ATP2A2: variants seen among roughly 807,000 people sequenced by gnomAD.
ATP2A2 encodes the protein ATPase sarcoplasmic/endoplasmic reticulum Ca2+ transporting 2.
ATP2A2 carries 14 observed loss-of-function variants against 109.3 expected under a neutral mutation model. That is an observed-to-expected ratio of 0.13 (90% CI 0.08 to 0.20). The LOEUF (loss-of-function observed/expected upper bound fraction) is 0.20. Among genes scored for constraint, ATP2A2 ranks in the 10% least tolerant of loss-of-function variants. The pLI is 1.00. For synonymous variants in ATP2A2, 506 were observed against 490.9 expected, an observed-to-expected ratio of 1.03 and a Z score of -0.41; for missense variants, 657 against 1,321.6, an observed-to-expected ratio of 0.50 and a Z score of 7.80.
Position 110,349,661 on chromosome 12 carries a change from C to G in ATP2A2, c.*3191C>G, listed in dbSNP as rs1592874681. ...AAGACCTGAGACCACAAGATTAGCTCAGTGTCTACCAAGCATCTAGCCACT... is the reference window on the plus strand; with the variant it reads ...AAGACCTGAGACCACAAGATTAGCTGAGTGTCTACCAAGCATCTAGCCACT... On this transcript the variant is annotated 3_prime_UTR_variant, in exon 20 of 20. Transcript: ENST00000539276. 1 of 989,030 alleles carries G rather than the reference C, an allele frequency of 1.0e-6. No homozygotes were observed. The highest frequency in any genetic ancestry group is 1.1e-4 in the East Asian group (1 of 9,004). The allele number at this position is 989,030 out of a possible 1,614,324, so 61.3% of individuals were successfully genotyped here. A position where few individuals can be genotyped will look rare whatever the true frequency, so the allele number is the denominator to read the frequency against.
chr12:110,320,850 C>T (rs1383607276), intron 5 of ATP2A2, among the ~76,000 whole-genome samples: 1 of 152,192 alleles, frequency 6.6e-6, no homozygotes, highest in Non-Finnish European at 1.5e-5. Context: ...TGTTTTTATG[C>T]ACTCAAATTA....
At position 110,349,743 on chromosome 12, in the gene ATP2A2, CCT is replaced by C; in HGVS notation, c.*3274_*3275del. On this transcript the variant is annotated 3_prime_UTR_variant, in exon 20 of 20. Coordinates refer to ENST00000539276, the MANE Select transcript of ATP2A2 (RefSeq NM_170665.4). ...GCCTGTGAGCAGAGCCAGCAGTTGCCCTGTGACTGTAACCACCAAATTGTCCA... is the reference window on the plus strand; with the variant it reads ...GCCTGTGAGCAGAGCCAGCAGTTGCCGTGACTGTAACCACCAAATTGTCCA... 1 of 1,014,926 alleles carries C rather than the reference CCT, an allele frequency of 9.9e-7. No homozygotes were observed. Among genetic ancestry groups the C allele is most frequent in the Non-Finnish European group, 1.2e-6 (1 of 846,538 alleles). 62.9% of individuals were successfully genotyped at this position (1,014,926 alleles called of 1,614,324 possible). A position where few individuals can be genotyped will look rare whatever the true frequency, so the allele number is the denominator to read the frequency against.
chr12:110,340,645 T>C lies in ATP2A2; in HGVS notation c.1762-14T>C. 1 of 1,613,968 alleles carries C rather than the reference T, an allele frequency of 6.2e-7. No individual in the cohort carries two copies. Among genetic ancestry groups the C allele is most frequent in the Non-Finnish European group, 8.5e-7 (1 of 1,179,862 alleles). On this transcript the variant is annotated splice_polypyrimidine_tract_variant and intron_variant, in intron 13 of 19. Coordinates refer to ENST00000539276, the MANE Select transcript of ATP2A2 (RefSeq NM_170665.4). The surrounding 1 kb of genome is among the most constrained non-coding windows in gnomAD (Gnocchi z 6.0). ...AACTTGCCACTTTTATTTAAAGTGA[T>C]GCTCTTATTTTAGACCAATCTGACC...
chr12:110,315,821 G>A (rs948841058), intron 5 of ATP2A2, among the ~76,000 whole-genome samples: 3 of 152,204 alleles, frequency 2.0e-5, no homozygotes, highest in Admixed American at 6.5e-5. Flanking sequence ...CACGCCTGTA[G>A]TCCCAGGTAT....
At chr12:110,300,116 T>TCCCCCCCCCCCCCCCCCCCCCCC (rs1874420070) in intron 5 of ATP2A2, among the ~76,000 whole-genome samples, 1 of 103,328 alleles carries the variant, frequency 9.7e-6, no homozygotes. Context: ...CCTCCCCCTT[T>TCCCCCCCCCCCCCCCCCCCCCCC]CCCTCCCCTC....
chr12:110,312,721 A>C (rs1401687660), intron 5 of ATP2A2, among the ~76,000 whole-genome samples: 1 of 151,846 alleles, frequency 6.6e-6, no homozygotes, highest in Admixed American at 6.6e-5. Context: ...GTGGTGGTGG[A>C]TGCCTGTAAT....
chr12:110,344,298 T>C (rs997131272), intron 16 of ATP2A2, among the ~76,000 whole-genome samples: 34 of 152,208 alleles, frequency 2.2e-4, no homozygotes, highest in African/African-American at 8.2e-4. Flanking sequence ...GTGTATTCTC[T>C]GCTGCACCTT....
At chr12:110,345,854 T>C (rs1879796192) in intron 18 of ATP2A2, 147 bp from the exon 19 acceptor site, 3 of 801,040 alleles carry the variant, frequency 3.7e-6, no homozygotes, top group Non-Finnish European at 6.5e-6. Context: ...CTCTTCAACT[T>C]TGCCACTGTA....
Position 110,340,916 on chromosome 12 carries a change from C to T in ATP2A2, c.2019C>T (p.Arg673=), listed in dbSNP as rs1592861428. ...AGCGAGACGCCTGCCTGAACGCCCG[C>T]TGTTTTGCTCGAGTTGAACCCTCCC... ...SAQRDACLNA[R]CFARVEPSHK... The change falls in exon 14 of 20, where the codon CGC becomes CGT. Residue 673 remains arginine (R), a synonymous_variant. Transcript: ENST00000539276. The surrounding 1 kb of genome is among the most constrained non-coding windows in gnomAD (Gnocchi z 6.0). 1 of 1,614,262 alleles carries T rather than the reference C, an allele frequency of 6.2e-7. No homozygotes were observed. The highest frequency in any genetic ancestry group is 8.5e-7 in the Non-Finnish European group (1 of 1,180,056).
At chr12:110,314,990 C>T (rs1266767277) in intron 5 of ATP2A2, among the ~76,000 whole-genome samples, 1 of 151,956 alleles carries the variant, frequency 6.6e-6, no homozygotes, top group African/African-American at 2.4e-5. Context: ...CCTCAGCCTC[C>T]CAAGTAGCTG....
chr12:110,333,401 T>TC lies in ATP2A2; in HGVS notation c.1287+123dup, dbSNP rs1878535937. ...AAAGTCAAGGGTGCCTGATTTTGTTTCCCCCTTCCATTCAGAACCTGATGG... is the reference window on the plus strand; with the variant it reads ...AAAGTCAAGGGTGCCTGATTTTGTTTCCCCCCTTCCATTCAGAACCTGATGG... On this transcript the variant is annotated intron_variant, in intron 10 of 19. Transcript: ENST00000539276. 6 of 970,640 alleles carry TC rather than the reference T, an allele frequency of 6.2e-6. No homozygotes were observed. In the South Asian group the frequency reaches 7.9e-5, roughly 13 times the overall value. 60.1% of individuals were successfully genotyped at this position (970,640 alleles called of 1,614,324 possible).
intron 5 of ATP2A2, among the ~76,000 whole-genome samples, chr12:110,301,041 T>A (rs74434348): frequency 0.01 from 1,533 of 152,102 alleles, 6 homozygotes; most frequent in African/African-American, 0.013. Flanking sequence ...TTAATTTTTT[T>A]AAAAAAATAG....
At chr12:110,282,908 G>A in intron 3 of ATP2A2, 113 bp downstream of exon 3, 1 of 914,822 alleles carries the variant, frequency 1.1e-6, no homozygotes, top group South Asian at 1.4e-5. Flanking sequence ...GTTGCAAGCT[G>A]TGTCTCTATG....
rs1191205032 is a variant in ATP2A2, at chr12:110,347,520, A to T, written c.*1050A>T. 1 of 1,288,588 alleles carries T rather than the reference A, an allele frequency of 7.8e-7. No individual in the cohort carries two copies. The highest frequency in any genetic ancestry group is 1.5e-5 in the African/African-American group (1 of 65,836). The allele number at this position is 1,288,588 out of a possible 1,614,324, so 79.8% of individuals were successfully genotyped here. On this transcript the variant is annotated 3_prime_UTR_variant, in exon 20 of 20. Transcript: ENST00000539276. ...AATTGTCATCTGTGATGTACATTTT[A>T]TGCAAGTTTCTGCTGGCCTGGTATA... is the stretch of plus-strand genomic sequence containing the variant.
intron 6 of ATP2A2, among the ~76,000 whole-genome samples, chr12:110,325,542 GA>G (rs1566227967): frequency 6.6e-6 from 1 of 151,614 alleles, no homozygotes. Flanking sequence ...GCTGAGGCTG[GA>G]AAATTGCCCG....
At chr12:110,291,469 G>A (rs964863353) in intron 3 of ATP2A2, among the ~76,000 whole-genome samples, 1 of 152,016 alleles carries the variant, frequency 6.6e-6, no homozygotes, top group African/African-American at 2.4e-5. Context: ...GCCTCCCAAA[G>A]TGTTGGGATT....
chr12:110,289,469 T>C (rs1002161847), intron 3 of ATP2A2, among the ~76,000 whole-genome samples: 1 of 152,206 alleles, frequency 6.6e-6, no homozygotes, highest in African/African-American at 2.4e-5. Flanking sequence ...ACATTTATTA[T>C]ACTCATTCTG....
chr12:110,324,950 G>A (rs1241378640), intron 6 of ATP2A2, among the ~76,000 whole-genome samples: 1 of 151,168 alleles, frequency 6.6e-6, no homozygotes, highest in African/African-American at 2.4e-5. Flanking sequence ...CCTAGTAGCT[G>A]AAATTACAGG....
rs1208962379 is a variant in ATP2A2, at chr12:110,281,457, A to G, written c.-333A>G. 6.2e-6 allele frequency: 1 copy of G among 160,410 alleles called. No individual in the cohort carries two copies. Among genetic ancestry groups the G allele is most frequent in the Non-Finnish European group, 1.3e-5 (1 of 74,204 alleles). The allele number at this position is 160,410 out of a possible 1,614,324, so 9.9% of individuals were successfully genotyped here. A position where few individuals can be genotyped will look rare whatever the true frequency, so the allele number is the denominator to read the frequency against. On this transcript the variant is annotated 5_prime_UTR_variant, in exon 1 of 20. Transcript: ENST00000539276. ...CCGGGCGGGGCCTCTGATCGCCTCA[A>G]GAGAGCGGGGAGGGGGCTCGGGGGC... is the stretch of plus-strand genomic sequence containing the variant.
Sources: gnomAD v4.1 joint callset for allele counts (sites outside exome capture counted in the v4.1 genomes callset) on GRCh38, gnomAD v4.1.1 for gene constraint, Gnocchi (gnomAD v3.1) non-coding constraint, MANE v1.5 for transcripts, NCBI Gene and HGNC (gene_info 2026-07-23, HGNC 2026-07-21) for gene names.